FHOD3: variants seen among roughly 807,000 people sequenced by gnomAD.
FHOD3 encodes formin homology 2 domain containing 3.
In FHOD3, 90 loss-of-function variants were observed where a neutral mutation model predicts 173.0. That is an observed-to-expected ratio of 0.52 (90% CI 0.44 to 0.62). The LOEUF is 0.62. Among genes scored for constraint, FHOD3 ranks in the 20% least tolerant of loss-of-function variants. The probability of loss-of-function intolerance (pLI) is 0.00; values close to 1 mark genes in which losing one functional copy is unlikely to be tolerated. For missense variants in FHOD3, 1,945 were observed against 2,034.7 expected, an observed-to-expected ratio of 0.96 and a Z score of 0.85; for synonymous variants, 828 against 823.0, an observed-to-expected ratio of 1.01 and a Z score of -0.10.
intron 6 of FHOD3, among the ~76,000 whole-genome samples, chr18:36,577,220 G>A (rs989383099): frequency 6.6e-6 from 1 of 152,032 alleles, no homozygotes; most frequent in Admixed American, 6.6e-5. Flanking sequence ...TAAAGAATCC[G>A]AGATTACCTT....
intron 1 of FHOD3, among the ~76,000 whole-genome samples, chr18:36,315,688 A>C (rs2044081190): frequency 1.3e-5 from 2 of 152,220 alleles, no homozygotes; most frequent in African/African-American, 4.8e-5. Flanking sequence ...CTGTGTGCTC[A>C]CATGCCCACC....
intron 3 of FHOD3, among the ~76,000 whole-genome samples, chr18:36,406,749 A>G (rs1037984845): frequency 1.3e-5 from 2 of 152,194 alleles, no homozygotes; most frequent in Non-Finnish European, 2.9e-5. Flanking sequence ...AGAACAGTCT[A>G]TAAACCACTT....
At chr18:36,534,366 G>A (rs1457061761) in intron 5 of FHOD3, among the ~76,000 whole-genome samples, 1 of 152,234 alleles carries the variant, frequency 6.6e-6, no homozygotes, top group Non-Finnish European at 1.5e-5. Context: ...GTGAGTCTGA[G>A]AGGATGGGCT....
intron 1 of FHOD3, among the ~76,000 whole-genome samples, chr18:36,338,531 C>T (rs1354439949): frequency 6.6e-6 from 1 of 152,190 alleles, no homozygotes; most frequent in Non-Finnish European, 1.5e-5. Context: ...CCTGCAGGCC[C>T]CATCATTTCA....
chr18:36,569,163 A>G (rs1316522471), intron 5 of FHOD3, among the ~76,000 whole-genome samples: 1 of 152,238 alleles, frequency 6.6e-6, no homozygotes, highest in Non-Finnish European at 1.5e-5. Flanking sequence ...GACTGGTCTA[A>G]TCACAGTAAT....
Position 36,713,315 on chromosome 18 carries a change from A to T in FHOD3, c.2533+3924A>T, listed in dbSNP as rs562764606. ...TGTATGCAGAGGAATACTTAGGACA[A>T]CTATACTTTCAGAGTAGGGAAGCTA... On this transcript the variant is annotated intron_variant, in intron 18 of 28. Transcript: ENST00000590592. Among the ~76,000 whole-genome samples, 6 of 152,356 alleles carry T rather than the reference A, an allele frequency of 3.9e-5. No individual in the cohort carries two copies. In the East Asian group the frequency reaches 1.2e-3, roughly 29 times the overall value.
Position 36,501,959 on chromosome 18 carries a change from A to T in FHOD3, c.365A>T (p.Asp122Val). Residue 122 changes from aspartate (D) to valine (V), a missense_variant, in exon 4 of 29, where the codon GAT becomes GTT. Coordinates refer to ENST00000590592, the MANE Select transcript of FHOD3 (RefSeq NM_001281740.3). ...IEKLYNSSGR[D>V]LRRALFSLKQ... ...AAACTATACAACTCCAGCGGACGAG[A>T]TTTGAGAAGGGCCCTCTTCTCCCTG... 1 of 1,607,092 alleles carries T rather than the reference A, an allele frequency of 6.2e-7. No individual in the cohort carries two copies. The highest frequency in any genetic ancestry group is 1.1e-5 in the South Asian group (1 of 89,474).
At chr18:36,711,029 G>A (rs111866558) in intron 18 of FHOD3, 4 of 152,322 alleles carry the variant, frequency 2.6e-5, no homozygotes, top group African/African-American at 9.6e-5. Context: ...TTTTCCAAAA[G>A]TGGAAACCGT....
At chr18:36,615,820 C>G (rs1391938166) in intron 9 of FHOD3, among the ~76,000 whole-genome samples, 3 of 152,282 alleles carry the variant, frequency 2.0e-5, no homozygotes, top group East Asian at 1.9e-4. Flanking sequence ...TGATGTATAA[C>G]TCACTATTTT....
At chr18:36,502,326 G>T (rs182032159) in intron 4 of FHOD3, among the ~76,000 whole-genome samples, 1 of 151,378 alleles carries the variant, frequency 6.6e-6, no homozygotes, top group East Asian at 1.9e-4. Context: ...GCATACATGT[G>T]CCATGGTGGT....
At position 36,334,359 on chromosome 18, in the gene FHOD3, G is replaced by A. The variant is rs551033154; in HGVS notation, c.166-21180G>A. Among the ~76,000 whole-genome samples the A allele has an allele frequency of 1.1e-4, 16 of 152,294 alleles. No homozygotes were observed. The South Asian group carries it at 3.3e-3, about 32-fold the overall frequency. Reference sequence around the variant, plus strand: ...GACACTGACATGAGCAGCCTCTCTGGGTATCCTTATTAAGTGCTGGTCTCA... The same window carrying A: ...GACACTGACATGAGCAGCCTCTCTGAGTATCCTTATTAAGTGCTGGTCTCA... On this transcript the variant is annotated intron_variant, in intron 1 of 28. Transcript: ENST00000590592.
chr18:36,389,562 G>A (rs1472942229), intron 3 of FHOD3, among the ~76,000 whole-genome samples: 2 of 152,178 alleles, frequency 1.3e-5, no homozygotes, highest in African/African-American at 2.4e-5. Context: ...CCATTTCTCA[G>A]TGGACGTACA....
rs547547085 is a variant in FHOD3 at position 36,314,809 on chromosome 18, G to A, written c.165+16809G>A. ...TTCTGCCTCCTTGTCTAGGGATCCTGACTTTCCTTAGAATATTAGAGTACA... is the reference window on the plus strand; with the variant it reads ...TTCTGCCTCCTTGTCTAGGGATCCTAACTTTCCTTAGAATATTAGAGTACA... On this transcript the variant is annotated intron_variant, in intron 1 of 28. Coordinates refer to ENST00000590592, the MANE Select transcript of FHOD3 (RefSeq NM_001281740.3). Among the ~76,000 whole-genome samples, 3 of 152,244 alleles carry A rather than the reference G, an allele frequency of 2.0e-5. No individual in the cohort carries two copies. The South Asian group carries it at 6.2e-4, about 32-fold the overall frequency.
chr18:36,529,031 G>T (rs928858074), intron 5 of FHOD3, among the ~76,000 whole-genome samples: 14 of 152,210 alleles, frequency 9.2e-5, no homozygotes, highest in African/African-American at 3.1e-4. Flanking sequence ...ACTATCATTT[G>T]CTACAAAGAG....
At chr18:36,395,745 T>C (rs952491394) in intron 3 of FHOD3, among the ~76,000 whole-genome samples, 7 of 138,430 alleles carry the variant, frequency 5.1e-5, no homozygotes, top group Admixed American at 6.8e-5. Context: ...CTCTTATGAA[T>C]TTTTTTGTTT....
Position 36,746,990 on chromosome 18 carries a change from A to C in FHOD3, c.4087A>C (p.Arg1363=), listed in dbSNP as rs149376582. The part of the protein sequence containing the change: ...LQDNLCQMER[R]CKASWDHLKA... ...GGATAATTTATGTCAGATGGAGAGA[A>C]GATGCAAAGCTTCATGGGATCACCT... is the stretch of plus-strand genomic sequence containing the variant. The change falls in exon 24 of 29, where the codon AGA becomes CGA. Residue 1363 remains arginine (R), a synonymous_variant. Transcript: ENST00000590592. The C allele has an allele frequency of 2.3e-4, 364 of 1,613,022 alleles. No individual in the cohort carries two copies. Among genetic ancestry groups the C allele is most frequent in the Non-Finnish European group, 2.9e-4 (343 of 1,179,788 alleles).
intron 8 of FHOD3, among the ~76,000 whole-genome samples, chr18:36,610,836 TA>T (rs1478211910): frequency 1.3e-5 from 2 of 152,220 alleles, no homozygotes; most frequent in Non-Finnish European, 2.9e-5. Flanking sequence ...GATAGTGAAG[TA>T]AGTAGGGACT....
intron 24 of FHOD3, among the ~76,000 whole-genome samples, chr18:36,750,420 G>A (rs529941514): frequency 2.4e-4 from 37 of 152,128 alleles, no homozygotes; most frequent in African/African-American, 7.5e-4. Flanking sequence ...AAAAATTTTC[G>A]CCCACTCTAT....
intron 2 of FHOD3, among the ~76,000 whole-genome samples, chr18:36,365,029 G>T (rs951723152): frequency 1.3e-5 from 2 of 152,172 alleles, no homozygotes; most frequent in Non-Finnish European, 2.9e-5. Flanking sequence ...CACAGGGTAC[G>T]TGAGGGTGGA....
Sources: gnomAD v4.1 joint callset for allele counts (sites outside exome capture counted in the v4.1 genomes callset) on GRCh38, gnomAD v4.1.1 for gene constraint, MANE v1.5 for transcripts, NCBI Gene and HGNC (gene_info 2026-07-23, HGNC 2026-07-21) for gene names.